ZNF675: variants seen among roughly 807,000 people sequenced by gnomAD.
ZNF675 encodes the protein zinc finger protein 675, also known as TRAF6 inhibitory zinc finger.
ZNF675 carries 36 observed loss-of-function variants against 56.1 expected under a neutral mutation model. The ratio of observed to expected loss-of-function variants is 0.64; its 90% confidence interval spans 0.49 to 0.85. ZNF675 has a LOEUF of 0.85. Among genes scored for constraint, ZNF675 ranks in the 40% least tolerant of loss-of-function variants. The probability of loss-of-function intolerance (pLI) is 0.00; values close to 1 mark genes in which losing one functional copy is unlikely to be tolerated. For missense variants in ZNF675, 663 were observed against 654.2 expected (o/e 1.01, Z -0.15); for synonymous variants, 200 against 218.9 (o/e 0.91, Z 0.76).
Position 23,653,783 on chromosome 19 carries a change from TAA to T in ZNF675, c.1148_1149del (p.Leu383HisfsTer4), listed in dbSNP as rs760505371. ...TCGGTATGAATTTTCCTATGTTCCG[TAA>T]GATTTGAGGATCGGTTAAAAGCTTT... ...CGKAFNRSSN[L>X]TEHRKIHTEE... On this transcript the variant is annotated frameshift_variant, in exon 4 of 4. Transcript: ENST00000359788. LOFTEE classifies it high-confidence loss of function. The T allele has an allele frequency of 1.2e-6, 2 of 1,613,954 alleles. No individual in the cohort carries two copies. Among genetic ancestry groups the T allele is most frequent in the Non-Finnish European group, 1.7e-6 (2 of 1,179,942 alleles).
intron 1 of ZNF675, among the ~76,000 whole-genome samples, chr19:23,666,667 C>G (rs1968154206): frequency 6.6e-6 from 1 of 152,308 alleles, no homozygotes; most frequent in African/African-American, 2.4e-5. Context: ...TCAAGACCCT[C>G]TACTGGTAAC....
chr19:23,661,513 A>C (rs1423180531), intron 3 of ZNF675, among the ~76,000 whole-genome samples: 3 of 151,966 alleles, frequency 2.0e-5, no homozygotes, highest in Non-Finnish European at 4.4e-5. Flanking sequence ...CAACATGGTG[A>C]AACCCCATCT....
intron 2 of ZNF675, among the ~76,000 whole-genome samples, 153 bp from the exon 3 acceptor site, chr19:23,662,362 A>T (rs115136715): frequency 0.011 from 1,730 of 152,352 alleles, 30 homozygotes; most frequent in African/African-American, 0.039. Context: ...TACTTAGAAA[A>T]TATTCTAAAT....
chr19:23,678,750 TAG>T lies in ZNF675; in HGVS notation c.3+8279_3+8280del, dbSNP rs140894444. ...ACAGACTCAGACAAATGCAACAGAA[TAG>T]AGAGCCAAAAAATAATGCCACGCAC... On this transcript the variant is annotated intron_variant, in intron 1 of 3. Transcript: ENST00000359788. 1.0e-2 allele frequency among the ~76,000 whole-genome samples: 1,512 copies of T among 151,506 alleles called. 67 individuals carry two copies. The highest frequency in any genetic ancestry group is 0.035 in the African/African-American group (1,431 of 40,946).
intron 1 of ZNF675, among the ~76,000 whole-genome samples, chr19:23,679,018 T>A (rs1175472524): frequency 2.0e-5 from 3 of 150,682 alleles, no homozygotes; most frequent in African/African-American, 7.4e-5. Context: ...ATACAAAAAA[T>A]TAGCCGGGCG....
chr19:23,653,850 A>C lies in ZNF675; in HGVS notation c.1083T>G (p.Ile361Met). 4 of 1,613,780 alleles carry C rather than the reference A, an allele frequency of 2.5e-6. No homozygotes were observed. The highest frequency in any genetic ancestry group is 3.4e-6 in the Non-Finnish European group (4 of 1,179,880). ...RSSKLTEHKNIHTGEQPYKCE... is the reference protein window; with the variant it reads ...RSSKLTEHKNMHTGEQPYKCE... Reference sequence around the variant, plus strand: ...ATTTGTAGGGTTGCTCTCCAGTATGAATGTTTTTATGTTCAGTAAGTTTTG... The same window carrying C: ...ATTTGTAGGGTTGCTCTCCAGTATGCATGTTTTTATGTTCAGTAAGTTTTG... The change falls in exon 4 of 4, where the codon ATT becomes ATG. Residue 361 changes from isoleucine to methionine, a missense_variant. Ile to Met is a conservative substitution (Grantham distance 10). Coordinates refer to ENST00000359788, the MANE Select transcript of ZNF675 (RefSeq NM_138330.3).
rs1459393558 is a variant in ZNF675, at chr19:23,652,856, C to T, written c.*370G>A. 1 of 165,752 alleles carries T rather than the reference C, an allele frequency of 6.0e-6. No homozygotes were observed. Among genetic ancestry groups the T allele is most frequent in the Non-Finnish European group, 1.3e-5 (1 of 76,158 alleles). The allele number at this position is 165,752 out of a possible 1,614,324, so 10.3% of individuals were successfully genotyped here. A position where few individuals can be genotyped will look rare whatever the true frequency, so the allele number is the denominator to read the frequency against. On this transcript the variant is annotated 3_prime_UTR_variant, in exon 4 of 4. Coordinates refer to ENST00000359788, the MANE Select transcript of ZNF675 (RefSeq NM_138330.3). The stretch of plus-strand genomic sequence containing the variant: ...GTAATCTTTGTCTTCAAAACGAATA[C>T]TCTTCTTCACTTTAAAGGCTTATAT...
In ZNF675 at chr19:23,653,136, T is replaced by C. The variant is rs1967932431; in HGVS notation, c.*90A>G. 4.1e-6 allele frequency: 5 copies of C among 1,217,896 alleles called. No homozygotes were observed. Among genetic ancestry groups the C allele is most frequent in the Non-Finnish European group, 4.6e-6 (4 of 878,934 alleles). The allele number at this position is 1,217,896 out of a possible 1,614,324, so 75.4% of individuals were successfully genotyped here. A position where few individuals can be genotyped will look rare whatever the true frequency, so the allele number is the denominator to read the frequency against. ...AATGAAGTGTGAAAACCATTTAAAG[T>C]CTTTGACACATTCTTTACATTTCTA... On this transcript the variant is annotated 3_prime_UTR_variant, in exon 4 of 4. Coordinates refer to ENST00000359788, the MANE Select transcript of ZNF675 (RefSeq NM_138330.3).
chr19:23,653,614 G>A lies in ZNF675; in HGVS notation c.1319C>T (p.Thr440Ile), dbSNP rs1367796028. 2 of 1,612,710 alleles carry A rather than the reference G, an allele frequency of 1.2e-6. No homozygotes were observed. Among genetic ancestry groups the A allele is most frequent in the African/African-American group, 1.3e-5 (1 of 74,868 alleles). The change falls in exon 4 of 4, where the codon ACT becomes ATT. Residue 440 changes from threonine (T) to isoleucine (I), a missense_variant. By Grantham distance (89) the Thr-to-Ile change is moderately conservative. Coordinates refer to ENST00000359788, the MANE Select transcript of ZNF675 (RefSeq NM_138330.3). ...TCCAGTATGAAGTTTCTTATGTTCA[G>A]TAAGTTTTGAGGATCGGTTAAAAGC... Reference protein sequence around the residue: ...GKAFNRSSKLTEHKKLHTGKK... With the variant: ...GKAFNRSSKLIEHKKLHTGKK...
intron 3 of ZNF675, among the ~76,000 whole-genome samples, chr19:23,658,980 G>GAGATCTAT (rs1568289334): frequency 7.8e-6 from 1 of 127,544 alleles, no homozygotes; most frequent in African/African-American, 3.0e-5. Flanking sequence ...TATAGATCTA[G>GAGATCTAT]AGATAGAGAT....
At chr19:23,669,272 T>A (rs10854073) in intron 1 of ZNF675, among the ~76,000 whole-genome samples, 1 of 152,160 alleles carries the variant, frequency 6.6e-6, no homozygotes, top group Admixed American at 6.5e-5. Context: ...TAGTCCCTTA[T>A]CCCTACATAT....
At chr19:23,667,355 AG>A (rs1968166393) in intron 1 of ZNF675, among the ~76,000 whole-genome samples, 1 of 152,152 alleles carries the variant, frequency 6.6e-6, no homozygotes, top group Admixed American at 6.5e-5. Context: ...ACACTGTGGA[AG>A]GGGACCCCAG....
Position 23,663,110 on chromosome 19 carries a change from A to G in ZNF675, c.52T>C (p.Trp18Arg). The change falls in exon 2 of 4, where the codon TGG becomes CGG. Residue 18 changes from tryptophan to arginine, a missense_variant. Around this residue, in one of 3 missense-constraint regions of ZNF675, gnomAD observed 33 missense variants for 31.8 expected, o/e 1.04. Coordinates refer to ENST00000359788, the MANE Select transcript of ZNF675 (RefSeq NM_138330.3). ...CGCTGTGCAGTGTCCAGGCATTGCC[A>G]TTCTTCCAGAGAGAATTCTATGGCC... is the stretch of plus-strand genomic sequence containing the variant. ...DVAIEFSLEE[W>R]QCLDTAQRNL... 6.2e-7 allele frequency: 1 copy of G among 1,610,950 alleles called. No homozygotes were observed. The highest frequency in any genetic ancestry group is 2.2e-5 in the East Asian group (1 of 44,692).
At chr19:23,663,657 C>A (rs907015743) in intron 1 of ZNF675, among the ~76,000 whole-genome samples, 8 of 152,146 alleles carry the variant, frequency 5.3e-5, no homozygotes, top group African/African-American at 1.7e-4. Flanking sequence ...GTGGAGATTG[C>A]AGTGAGCTGA....
intron 1 of ZNF675, among the ~76,000 whole-genome samples, chr19:23,679,914 A>G (rs12976369): frequency 0.057 from 8,654 of 151,090 alleles, 336 homozygotes; most frequent in Non-Finnish European, 0.063. Context: ...CACTTGAATC[A>G]GGGAGGCAGA....
Position 23,654,557 on chromosome 19 carries a change from T to G in ZNF675, c.376A>C (p.Lys126Gln), listed in dbSNP as rs768873223. Residue 126 changes from lysine (K) to glutamine (Q), a missense_variant, in exon 4 of 4, where the codon AAG (lysine) becomes CAG (glutamine). Transcript: ENST00000359788. ...TGGTTAAGTCCATTATAACCTCCCT[T>G]GTGCAACTTACATTCATCCACACTT... ...CKSVDECKLH[K>Q]GGYNGLNQCL... is the part of the protein sequence containing the mutation. The G allele has an allele frequency of 3.7e-6, 6 of 1,612,200 alleles. No homozygotes were observed. The highest frequency in any genetic ancestry group is 4.2e-6 in the Non-Finnish European group (5 of 1,179,102).
intron 1 of ZNF675, 47 bp downstream of exon 1, chr19:23,686,984 C>T: frequency 6.2e-7 from 1 of 1,613,108 alleles, no homozygotes; most frequent in Non-Finnish European, 8.5e-7. Context: ...CCACGGGTTC[C>T]AACCAGCCCC....
chr19:23,675,995 A>C (rs180779089), intron 1 of ZNF675, among the ~76,000 whole-genome samples: 1,531 of 151,272 alleles, frequency 0.01, 77 homozygotes, highest in African/African-American at 0.035. Context: ...AAAAAAAAAA[A>C]ACACAATTAG....
chr19:23,686,806 C>A (rs1237785084), intron 1 of ZNF675, among the ~76,000 whole-genome samples: 1 of 152,164 alleles, frequency 6.6e-6, no homozygotes, highest in Non-Finnish European at 1.5e-5. Context: ...GGGCTACAGG[C>A]CAGGGCACAG....
Sources: gnomAD v4.1 joint callset for allele counts (sites outside exome capture counted in the v4.1 genomes callset) on GRCh38, gnomAD v4.1.1 for gene constraint, gnomAD v4.1.1 regional missense constraint, MANE v1.5 for transcripts, NCBI Gene and HGNC (gene_info 2026-07-23, HGNC 2026-07-21) for gene names.